Variants in RPS6KA2 observed in about 807,000 individuals in gnomAD.
The protein encoded by RPS6KA2 is ribosomal protein S6 kinase alpha-2.
RPS6KA2 carries 42 observed loss-of-function variants against 91.8 expected under a neutral mutation model. That is an observed-to-expected ratio of 0.46 (90% CI 0.36 to 0.59). The LOEUF (loss-of-function observed/expected upper bound fraction) is 0.59. RPS6KA2 is among the 20% of genes least tolerant of loss of function. RPS6KA2 has a pLI of 0.00. For missense variants in RPS6KA2, 798 were observed against 978.5 expected, an observed-to-expected ratio of 0.82 and a Z score of 2.46; for synonymous variants, 414 against 393.6, an observed-to-expected ratio of 1.05 and a Z score of -0.61.
rs763191 is a variant in RPS6KA2 at position 166,648,083 on chromosome 6, C to G, written c.124-109299G>C. 0.044 allele frequency among the ~76,000 whole-genome samples: 6,527 copies of G among 149,580 alleles called. 290 individuals carry two copies. Among genetic ancestry groups the G allele is most frequent in the African/African-American group, 0.1 (4,143 of 40,434 alleles). On this transcript the variant is annotated intron_variant, in intron 2 of 21. Coordinates refer to the RPS6KA2 transcript ENST00000503859. This position sits in a 1 kb window ranked among gnomAD's most constrained non-coding sequence, Gnocchi z 4.8. ...TCACACACATGCACACGCACATGGT[C>G]ATACACACACGCTCATACACACACG... is the stretch of plus-strand genomic sequence containing the variant.
intron 17 of RPS6KA2, among the ~76,000 whole-genome samples, chr6:166,422,690 A>G (rs1332521335): frequency 6.6e-6 from 1 of 152,218 alleles, no homozygotes; most frequent in Non-Finnish European, 1.5e-5. Flanking sequence ...GGTGCCTGCT[A>G]GCTGCTCCGA....
intron 1 of RPS6KA2, among the ~76,000 whole-genome samples, chr6:166,540,252 T>C (rs1359170673): frequency 6.6e-6 from 1 of 152,224 alleles, no homozygotes; most frequent in East Asian, 1.9e-4. Flanking sequence ...TCAAAACGGT[T>C]ACTTATAAAT....
In RPS6KA2 at chr6:166,726,128, GAT is replaced by G. The variant is rs1491197035; in HGVS notation, c.123+132070_123+132071del. 1.7e-5 allele frequency among the ~76,000 whole-genome samples: 2 copies of G among 117,798 alleles called. No individual in the cohort carries two copies. The highest frequency in any genetic ancestry group is 1.3e-4 in the African/African-American group (2 of 15,920). 77.3% of individuals were successfully genotyped at this position (117,798 alleles called of 152,430 possible). ...AATGCCCTTAGGCTACAATATAGAA[GAT>G]TTTTTTTTTTTTTTAGTTTAAAATC... is the stretch of plus-strand genomic sequence containing the variant. On this transcript the variant is annotated intron_variant, in intron 2 of 21. Transcript: ENST00000503859. The surrounding 1 kb of genome is among the most constrained non-coding windows in gnomAD (Gnocchi z 4.4).
chr6:166,723,424 G>A (rs1790239804), intron 2 of RPS6KA2, among the ~76,000 whole-genome samples: 1 of 151,958 alleles, frequency 6.6e-6, no homozygotes, highest in South Asian at 2.1e-4. Context: ...TCCCACACGT[G>A]TGCACTACCT....
Position 166,418,373 on chromosome 6 carries a change from G to T in RPS6KA2, c.1821-31C>A. 6.6e-7 allele frequency: 1 copy of T among 1,518,076 alleles called. No homozygotes were observed. Among genetic ancestry groups the T allele is most frequent in the Non-Finnish European group, 9.1e-7 (1 of 1,094,522 alleles). The allele number at this position is 1,518,076 out of a possible 1,614,324, so 94.0% of individuals were successfully genotyped here. A position where few individuals can be genotyped will look rare whatever the true frequency, so the allele number is the denominator to read the frequency against. On this transcript the variant is annotated intron_variant, in intron 18 of 20. Transcript: ENST00000265678. This position sits in a 1 kb window ranked among gnomAD's most constrained non-coding sequence, Gnocchi z 4.9. ...TAATTAGACAAATTTGTGGTAATGA[G>T]CTTGTATTTTACAACCTAAAATAAA... is the stretch of plus-strand genomic sequence containing the variant.
At position 166,508,237 on chromosome 6, in the gene RPS6KA2, C is replaced by G; in HGVS notation, c.425G>C (p.Arg142Pro). Reference sequence around the variant, plus strand: ...GAGCCGGGTGAAGAGGTCCCCTCCCCGCAGGAAGTCCAGGATCAGGTAGAG... The same window carrying G: ...GAGCCGGGTGAAGAGGTCCCCTCCCGGCAGGAAGTCCAGGATCAGGTAGAG... ...GKLYLILDFL[R>P]GGDLFTRLSK... Residue 142 changes from arginine (R) to proline (P), a missense_variant, in exon 5 of 21, where the codon CGG (arginine) becomes CCG (proline). Coordinates refer to ENST00000265678, the MANE Select transcript of RPS6KA2 (RefSeq NM_021135.6). The surrounding 1 kb of genome is among the most constrained non-coding windows in gnomAD (Gnocchi z 4.3). 1.2e-6 allele frequency: 2 copies of G among 1,613,776 alleles called. No homozygotes were observed. Among genetic ancestry groups the G allele is most frequent in the Non-Finnish European group, 1.7e-6 (2 of 1,179,714 alleles).
intron 2 of RPS6KA2, among the ~76,000 whole-genome samples, chr6:166,685,699 A>G (rs1205121750): frequency 2.0e-5 from 3 of 152,140 alleles, no homozygotes; most frequent in Non-Finnish European, 2.9e-5. Flanking sequence ...CGACAATTCT[A>G]TGGGCATCAC....
At chr6:166,517,754 C>T (rs902256575) in intron 3 of RPS6KA2, among the ~76,000 whole-genome samples, 3 of 152,056 alleles carry the variant, frequency 2.0e-5, no homozygotes, top group African/African-American at 2.4e-5. Flanking sequence ...GGATTACAGG[C>T]GTGAGCCACC....
At position 166,849,298 on chromosome 6, in the gene RPS6KA2, C is replaced by T. The variant is rs962634353; in HGVS notation, c.123+8902G>A. 8.5e-5 allele frequency among the ~76,000 whole-genome samples: 13 copies of T among 152,230 alleles called. No individual in the cohort carries two copies. Among genetic ancestry groups the T allele is most frequent in the African/African-American group, 1.7e-4 (7 of 41,454 alleles). ...CCCATGCCTCTGCTGGTATGGCCCA[C>T]GCAGAGCACTCCCTGTCACCCTATT... On this transcript the variant is annotated intron_variant, in intron 2 of 21. Coordinates refer to the RPS6KA2 transcript ENST00000503859. This position sits in a 1 kb window ranked among gnomAD's most constrained non-coding sequence, Gnocchi z 4.9.
rs192768452 is a variant in RPS6KA2, at chr6:166,467,810, A to G, written c.972+2031T>C. Among the ~76,000 whole-genome samples the G allele has an allele frequency of 4.7e-3, 723 of 152,394 alleles. 1 individual carries two copies. The highest frequency in any genetic ancestry group is 0.014 in the Middle Eastern group (4 of 294). ...CCGCCTTTCTCTGCCAAGTCATCAC[A>G]AGACCCACGGGTGCAGGACTTTGTT... On this transcript the variant is annotated intron_variant, in intron 11 of 20. Transcript: ENST00000265678.
chr6:166,462,771 C>G (rs538996196), intron 11 of RPS6KA2, among the ~76,000 whole-genome samples: 1 of 152,224 alleles, frequency 6.6e-6, no homozygotes, highest in East Asian at 1.9e-4. Flanking sequence ...TTCCACCCCT[C>G]GGCTGTGAGC....
Position 166,612,482 on chromosome 6 carries a change from G to A in RPS6KA2, c.99+14439C>T, listed in dbSNP as rs1403511980. On this transcript the variant is annotated intron_variant, in intron 1 of 20. Transcript: ENST00000265678. This position sits in a 1 kb window ranked among gnomAD's most constrained non-coding sequence, Gnocchi z 4.3. Reference sequence around the variant, plus strand: ...CCTGCAGACCCCTGGCTCCCCTCGCGGGCTTGCAACCAGGCACTCTTCCTC... The same window carrying A: ...CCTGCAGACCCCTGGCTCCCCTCGCAGGCTTGCAACCAGGCACTCTTCCTC... Among the ~76,000 whole-genome samples the A allele has an allele frequency of 2.6e-5, 4 of 152,082 alleles. No individual in the cohort carries two copies. Among genetic ancestry groups the A allele is most frequent in the Admixed American group, 1.3e-4 (2 of 15,266 alleles).
At chr6:166,843,005 C>T (rs1780523579) in intron 2 of RPS6KA2, among the ~76,000 whole-genome samples, 1 of 152,176 alleles carries the variant, frequency 6.6e-6, no homozygotes, top group South Asian at 2.1e-4. Context: ...CAGCCCAGGT[C>T]ACCGGCTGCC....
At chr6:166,545,081 A>G (rs547360128) in intron 1 of RPS6KA2, among the ~76,000 whole-genome samples, 16 of 152,220 alleles carry the variant, frequency 1.1e-4, no homozygotes, top group Non-Finnish European at 4.4e-5. Flanking sequence ...CCATGTCAAG[A>G]TCGCAGATAG....
chr6:166,848,373 T>A (rs1050430210), intron 2 of RPS6KA2, among the ~76,000 whole-genome samples: 21 of 152,196 alleles, frequency 1.4e-4, no homozygotes, highest in African/African-American at 5.1e-4. Context: ...GAACTAAAAG[T>A]AGATCTACCA....
intron 2 of RPS6KA2, among the ~76,000 whole-genome samples, chr6:166,807,695 C>T (rs1339872981): frequency 6.6e-6 from 1 of 152,072 alleles, no homozygotes; most frequent in Non-Finnish European, 1.5e-5. Flanking sequence ...TGGCCTCCCA[C>T]AGTCTCCCAC....
At chr6:166,424,061 T>C (rs1323765060) in intron 16 of RPS6KA2, 1 of 152,348 alleles carries the variant, frequency 6.6e-6, no homozygotes, top group Non-Finnish European at 1.5e-5. Flanking sequence ...CAGAGGGCCA[T>C]TGTGAGGACG....
chr6:166,783,860 C>T (rs1778850162), intron 2 of RPS6KA2, among the ~76,000 whole-genome samples: 1 of 110,146 alleles, frequency 9.1e-6, no homozygotes, highest in East Asian at 2.3e-4. Flanking sequence ...CACATATGCA[C>T]ACGTGCACAC....
chr6:166,621,483 A>G (rs554667788), intron 1 of RPS6KA2, among the ~76,000 whole-genome samples: 1 of 152,330 alleles, frequency 6.6e-6, no homozygotes, highest in Non-Finnish European at 1.5e-5. Context: ...TTAACAGCCT[A>G]TTTGTTGATA....
Sources: allele counts gnomAD v4.1 joint callset (sites outside exome capture counted in the v4.1 genomes callset), GRCh38; gene constraint gnomAD v4.1.1; non-coding constraint Gnocchi (gnomAD v3.1); transcripts MANE v1.5; gene names NCBI Gene and HGNC (gene_info 2026-07-23, HGNC 2026-07-21).